Variants in SLC12A8 observed in about 807,000 individuals in gnomAD.
SLC12A8 encodes cation-chloride cotransporter 9.
In SLC12A8, 69 loss-of-function variants were observed where a neutral mutation model predicts 75.6. That is an observed-to-expected ratio of 0.91 (90% CI 0.75 to 1.11). The LOEUF is 1.11. Among genes scored for constraint, SLC12A8 ranks in the 50% most tolerant of loss-of-function variants. The probability of loss-of-function intolerance (pLI) is 0.00; values close to 1 mark genes in which losing one functional copy is unlikely to be tolerated. For synonymous variants in SLC12A8, 365 were observed against 372.8 expected (o/e 0.98, Z 0.24); for missense variants, 877 against 896.7 (o/e 0.98, Z 0.28).
rs1429172065 is a variant in SLC12A8 at position 125,135,721 on chromosome 3, G to A, written c.684C>T (p.Ser228=). Residue 228 remains serine (S), a synonymous_variant, in exon 6 of 14, where the codon AGC becomes AGT. Coordinates refer to ENST00000469902, the MANE Select transcript of SLC12A8 (RefSeq NM_024628.6). ...LLQNNTLPDY[S]PGESFFTVFG... The stretch of plus-strand genomic sequence containing the variant: ...AGACAGTGAAAAAAGATTCCCCCGG[G>A]CTGTAATCGGGCAGCGTGTTGTTCT... The A allele has an allele frequency of 4.3e-6, 7 of 1,610,636 alleles. No homozygotes were observed. Among genetic ancestry groups the A allele is most frequent in the Non-Finnish European group, 5.9e-6 (7 of 1,177,834 alleles).
At chr3:125,141,070 G>A (rs1292728273) in intron 5 of SLC12A8, among the ~76,000 whole-genome samples, 2 of 152,036 alleles carry the variant, frequency 1.3e-5, no homozygotes, top group Non-Finnish European at 2.9e-5. Flanking sequence ...AATGGATCTG[G>A]GTTTGACCTG....
rs1579538746 is a variant in SLC12A8, at chr3:125,193,632, C to T, written c.52-3111G>A. Among the ~76,000 whole-genome samples, 4 of 152,320 alleles carry T rather than the reference C, an allele frequency of 2.6e-5. No individual in the cohort carries two copies. In the East Asian group the frequency reaches 7.7e-4, roughly 29 times the overall value. The stretch of plus-strand genomic sequence containing the variant: ...GTCTGCAGTACGGGCAGACATGTAA[C>T]ATGAGGACAGAATGTCAGCTCCCGT... On this transcript the variant is annotated intron_variant, in intron 2 of 13. Transcript: ENST00000469902.
At chr3:125,200,312 G>C (rs1483089709) in intron 2 of SLC12A8, among the ~76,000 whole-genome samples, 1 of 152,152 alleles carries the variant, frequency 6.6e-6, no homozygotes, top group African/African-American at 2.4e-5. Context: ...AGCTGGGCAT[G>C]GTGGTGTGCC....
chr3:125,148,492 AGTGGGGAGAAGAGTGGG>A (rs11268859), intron 5 of SLC12A8, among the ~76,000 whole-genome samples: 31,595 of 151,840 alleles, frequency 0.21, 4,131 homozygotes, highest in African/African-American at 0.37. Context: ...GAGTGAGGGT[AGTGGGGAGAAGAGTGGG>A]GTGGGGGGCC....
At chr3:125,160,843 G>C (rs1934151629) in intron 5 of SLC12A8, among the ~76,000 whole-genome samples, 1 of 48,926 alleles carries the variant, frequency 2.0e-5, no homozygotes, top group Non-Finnish European at 4.2e-5. Context: ...GGAGCTGCAC[G>C]GGGGCACAGG....
At chr3:125,090,233 T>C (rs1938552775) in intron 12 of SLC12A8, among the ~76,000 whole-genome samples, 1 of 152,138 alleles carries the variant, frequency 6.6e-6, no homozygotes, top group Non-Finnish European at 1.5e-5. Flanking sequence ...TCTGATATCT[T>C]TCTGTTATTT....
At position 125,161,897 on chromosome 3, in the gene SLC12A8, A is replaced by G. The variant is rs141707775; in HGVS notation, c.622+15846T>C. On this transcript the variant is annotated intron_variant, in intron 5 of 13. Coordinates refer to ENST00000469902, the MANE Select transcript of SLC12A8 (RefSeq NM_024628.6). ...TTCCTTGCAAACAAAAAAACCCTGG[A>G]GGAAAACTTTCAAAGCCACAGTTTC... Among the ~76,000 whole-genome samples the G allele has an allele frequency of 2.1e-3, 323 of 152,332 alleles. 2 individuals are homozygous for G. The highest frequency in any genetic ancestry group is 7.4e-3 in the African/African-American group (308 of 41,584).
intron 5 of SLC12A8, chr3:125,151,211 T>A (rs1933915230): frequency 6.6e-6 from 1 of 152,294 alleles, no homozygotes; most frequent in African/African-American, 2.4e-5. Flanking sequence ...TTGAGGAGGC[T>A]AATTGGAGAA....
In SLC12A8 at chr3:125,083,792, T is replaced by G; in HGVS notation, c.*98A>C. 1 of 1,219,240 alleles carries G rather than the reference T, an allele frequency of 8.2e-7. No individual in the cohort carries two copies. The highest frequency in any genetic ancestry group is 1.1e-6 in the Non-Finnish European group (1 of 873,406). The allele number at this position is 1,219,240 out of a possible 1,614,324, so 75.5% of individuals were successfully genotyped here. A position where few individuals can be genotyped will look rare whatever the true frequency, so the allele number is the denominator to read the frequency against. Reference sequence around the variant, plus strand: ...AAAGTGACAGCGGGAGGATGGGTCTTGAGTTTCTCAGGTTGGAGAAGCAGC... The same window carrying G: ...AAAGTGACAGCGGGAGGATGGGTCTGGAGTTTCTCAGGTTGGAGAAGCAGC... On this transcript the variant is annotated 3_prime_UTR_variant, in exon 14 of 14. Coordinates refer to ENST00000469902, the MANE Select transcript of SLC12A8 (RefSeq NM_024628.6).
chr3:125,112,404 T>C (rs1476697556), intron 8 of SLC12A8, among the ~76,000 whole-genome samples: 1 of 152,192 alleles, frequency 6.6e-6, no homozygotes, highest in East Asian at 1.9e-4. Flanking sequence ...GATGGCATTT[T>C]GTTACTTTCC....
At chr3:125,087,999 T>C in intron 13 of SLC12A8, 1 of 370,416 alleles carries the variant, frequency 2.7e-6, no homozygotes, top group Non-Finnish European at 5.0e-6. Flanking sequence ...TGTCTTAGAC[T>C]GTAAACTCAC....
Position 125,120,605 on chromosome 3 carries a change from C to T in SLC12A8, c.818G>A (p.Gly273Asp), listed in dbSNP as rs1263878898. The change falls in exon 7 of 14, where the codon GGC becomes GAC. Residue 273 changes from glycine to aspartate, a missense_variant. Gly to Asp is a moderately conservative substitution (Grantham distance 94, BLOSUM62 -1). Transcript: ENST00000469902. ...SIPLGSLAAV[G>D]ISWFLYIIFV... Reference sequence around the variant, plus strand: ...TGCCATGAGGGGAACTTACGAGATGCCAACAGCTGCCAGGGAGCCCAGGGG... The same window carrying T: ...TGCCATGAGGGGAACTTACGAGATGTCAACAGCTGCCAGGGAGCCCAGGGG... 2 of 1,612,814 alleles carry T rather than the reference C, an allele frequency of 1.2e-6. No individual in the cohort carries two copies. The highest frequency in any genetic ancestry group is 1.7e-5 in the Admixed American group (1 of 59,982).
In SLC12A8 at chr3:125,208,777, CACACACACACACACAGAG is replaced by C. The variant is rs1043796279; in HGVS notation, c.51+2504_51+2521del. Among the ~76,000 whole-genome samples the C allele has an allele frequency of 3.2e-5, 4 of 124,320 alleles. No individual in the cohort carries two copies. The Admixed American group carries it at 3.5e-4, about 11-fold the overall frequency. The allele number at this position is 124,320 out of a possible 152,430, so 81.6% of individuals were successfully genotyped here. On this transcript the variant is annotated intron_variant, in intron 2 of 13. Transcript: ENST00000469902. ...ACACACACACACACACACACACACA[CACACACACACACACAGAG>C]AGAGAGAGAGAGAGAGAGAGAGAGA...
chr3:125,106,897 G>C (rs183129228), intron 10 of SLC12A8, among the ~76,000 whole-genome samples: 11 of 152,194 alleles, frequency 7.2e-5, no homozygotes, highest in East Asian at 3.8e-4. Context: ...TATATTACAC[G>C]AAGTAATAGA....
chr3:125,173,121 G>A (rs1934440748), intron 5 of SLC12A8, among the ~76,000 whole-genome samples: 2 of 152,152 alleles, frequency 1.3e-5, no homozygotes, highest in Admixed American at 6.5e-5. Context: ...GGAGGTTGTA[G>A]TGAGCCAAGA....
intron 10 of SLC12A8, among the ~76,000 whole-genome samples, chr3:125,099,176 A>G (rs1239110452): frequency 6.7e-6 from 1 of 149,634 alleles, no homozygotes; most frequent in Non-Finnish European, 1.5e-5. Flanking sequence ...GCAGAGCCTT[A>G]AGGGCTATGC....
intron 6 of SLC12A8, among the ~76,000 whole-genome samples, chr3:125,125,396 A>G (rs1253183388): frequency 6.6e-6 from 1 of 152,056 alleles, no homozygotes; most frequent in Admixed American, 6.5e-5. Flanking sequence ...CGCGTCTACT[A>G]AAAATACAAA....
chr3:125,099,199 C>A (rs990783005), intron 10 of SLC12A8, among the ~76,000 whole-genome samples: 1 of 151,926 alleles, frequency 6.6e-6, no homozygotes, highest in Non-Finnish European at 1.5e-5. Context: ...ACACAGGGGG[C>A]AACTCCTAGG....
intron 5 of SLC12A8, among the ~76,000 whole-genome samples, chr3:125,140,036 G>C (rs12629647): frequency 0.033 from 5,094 of 152,258 alleles, 253 homozygotes; most frequent in African/African-American, 0.1. Flanking sequence ...ACTTCCCAAG[G>C]CCTGACTGCC....
Sources: gnomAD v4.1 joint callset for allele counts (sites outside exome capture counted in the v4.1 genomes callset) on GRCh38, gnomAD v4.1.1 for gene constraint, MANE v1.5 for transcripts, NCBI Gene and HGNC (gene_info 2026-07-23, HGNC 2026-07-21) for gene names.